The following LSP1 variants were observed in gnomAD, a reference collection of about 807,000 sequenced individuals.
The protein encoded by LSP1 is lymphocyte-specific protein 1.
In LSP1, 32 loss-of-function variants were observed where a neutral mutation model predicts 49.3. That is an observed-to-expected ratio of 0.65 (90% CI 0.49 to 0.87). LSP1 has a LOEUF of 0.87. Among genes scored for constraint, LSP1 ranks in the 40% least tolerant of loss-of-function variants. LSP1 has a pLI of 0.00. For synonymous variants in LSP1, 179 were observed against 178.8 expected, an observed-to-expected ratio of 1.00 and a Z score of -0.01; for missense variants, 428 against 442.6, an observed-to-expected ratio of 0.97 and a Z score of 0.30.
At chr11:1,888,481 T>G (rs1409780766) in intron 10 of LSP1, 2 of 151,362 alleles carry the variant, frequency 1.3e-5, no homozygotes. Flanking sequence ...TCAGCCCAGG[T>G]AGGGGAAGCA....
intron 1 of LSP1, chr11:1,866,363 G>A (rs1156405568): frequency 1.0e-6 from 1 of 1,003,638 alleles, no homozygotes; most frequent in Non-Finnish European, 1.4e-6. Flanking sequence ...AGAGGCCAGA[G>A]AGCCAGGGAT....
At chr11:1,862,055 A>G (rs1351675020) in intron 1 of LSP1, among the ~76,000 whole-genome samples, 1 of 151,676 alleles carries the variant, frequency 6.6e-6, no homozygotes, top group Non-Finnish European at 1.5e-5. Context: ...GAATGGATGG[A>G]TGAGTGGATG....
At chr11:1,888,951 C>T (rs1036542059) in intron 10 of LSP1, 22 of 512,426 alleles carry the variant, frequency 4.3e-5, no homozygotes, top group East Asian at 1.3e-4. Flanking sequence ...CTCTCTGCCC[C>T]GTCCACCTGA....
chr11:1,882,651 A>G (rs987348621), intron 3 of LSP1, among the ~76,000 whole-genome samples: 2 of 151,982 alleles, frequency 1.3e-5, no homozygotes, highest in Admixed American at 1.3e-4. Flanking sequence ...CGTGGAGCCC[A>G]GCTCTGCGGC....
chr11:1,885,261 A>G (rs1848708568), intron 7 of LSP1, among the ~76,000 whole-genome samples: 1 of 151,900 alleles, frequency 6.6e-6, no homozygotes, highest in South Asian at 2.1e-4. Context: ...CCATGTAACC[A>G]ATGCCAGTCC....
intron 1 of LSP1, among the ~76,000 whole-genome samples, chr11:1,875,245 A>T: frequency 6.6e-6 from 1 of 152,308 alleles, no homozygotes; most frequent in East Asian, 1.9e-4. Flanking sequence ...TTGTGAGGGA[A>T]GCCAGCTCTG....
At chr11:1,865,688 T>C (rs1847768159) in intron 1 of LSP1, among the ~76,000 whole-genome samples, 1 of 151,102 alleles carries the variant, frequency 6.6e-6, no homozygotes, top group African/African-American at 2.4e-5. Flanking sequence ...CCGGCTGCAC[T>C]GTCACCTGCT....
At chr11:1,869,342 C>G (rs900511230) in intron 1 of LSP1, 5 of 308,474 alleles carry the variant, frequency 1.6e-5, no homozygotes, top group African/African-American at 8.7e-5. Context: ...GGAGAAGTGA[C>G]AGAGAAAAGA....
At chr11:1,882,593 C>G (rs1001552687) in intron 3 of LSP1, among the ~76,000 whole-genome samples, 1 of 152,148 alleles carries the variant, frequency 6.6e-6, no homozygotes, top group Non-Finnish European at 1.5e-5. Context: ...GGCCTCAGGC[C>G]TAGGCGGGCG....
At chr11:1,866,146 A>T (rs776524954) in intron 1 of LSP1, among the ~76,000 whole-genome samples, 14 of 151,678 alleles carry the variant, frequency 9.2e-5, no homozygotes, top group Non-Finnish European at 1.6e-4. Context: ...CTCCTCCTCA[A>T]CCCTTCCAGG....
At chr11:1,866,405 G>A in intron 1 of LSP1, 3 of 1,364,812 alleles carry the variant, frequency 2.2e-6, no homozygotes, top group African/African-American at 1.5e-5. Flanking sequence ...GGGGTCTGAG[G>A]AGTTGAGGGC....
At chr11:1,867,789 C>T (rs1443538584) in intron 1 of LSP1, among the ~76,000 whole-genome samples, 2 of 152,174 alleles carry the variant, frequency 1.3e-5, no homozygotes, top group Non-Finnish European at 2.9e-5. Context: ...AAATGGTGCT[C>T]TGGGCCAGTG....
intron 1 of LSP1, among the ~76,000 whole-genome samples, chr11:1,872,722 C>T (rs1350442138): frequency 5.6e-5 from 7 of 123,998 alleles, no homozygotes; most frequent in African/African-American, 1.9e-4. Context: ...CCCTGGCCTG[C>T]GCTGGTAGAG....
At chr11:1,863,238 G>C (rs745490538) in intron 1 of LSP1, 1 of 152,342 alleles carries the variant, frequency 6.6e-6, no homozygotes, top group African/African-American at 2.4e-5. Context: ...CCGCTTGCCC[G>C]TCTGCTCACA....
At chr11:1,866,522 G>A in intron 1 of LSP1, 1 of 1,523,102 alleles carries the variant, frequency 6.6e-7, no homozygotes, top group Non-Finnish European at 8.8e-7. Context: ...GCTGTCACCT[G>A]AGTTCAGGAC....
intron 1 of LSP1, chr11:1,868,664 G>C (rs1246833195): frequency 1.0e-6 from 1 of 985,632 alleles, no homozygotes; most frequent in African/African-American, 1.7e-5. Context: ...GGTAGCCCCC[G>C]CCCTGGCAGG....
At chr11:1,854,808 T>C (rs975877261) in intron 1 of LSP1, among the ~76,000 whole-genome samples, 1 of 152,178 alleles carries the variant, frequency 6.6e-6, no homozygotes, top group African/African-American at 2.4e-5. Flanking sequence ...CTGCTCCTGG[T>C]CACCTCATGC....
chr11:1,860,683 T>A (rs1191872015), intron 1 of LSP1, among the ~76,000 whole-genome samples: 3 of 152,258 alleles, frequency 2.0e-5, no homozygotes, highest in African/African-American at 7.2e-5. Context: ...TATATTGAAC[T>A]GTGTTGTACC....
At chr11:1,856,023 C>T (rs1464624548) in intron 1 of LSP1, among the ~76,000 whole-genome samples, 9 of 152,192 alleles carry the variant, frequency 5.9e-5, no homozygotes, top group Admixed American at 3.3e-4. Context: ...TGGGGTCACA[C>T]TGCATTTTTG....
Sources: allele counts gnomAD v4.1 joint callset (sites outside exome capture counted in the v4.1 genomes callset), GRCh38; gene constraint gnomAD v4.1.1; transcripts MANE v1.5; gene names NCBI Gene and HGNC (gene_info 2026-07-23, HGNC 2026-07-21).